Variants in PDZD9 observed in about 807,000 individuals in gnomAD.
PDZD9 encodes the protein PDZ domain containing 9.
PDZD9 carries 13 observed loss-of-function variants against 16.3 expected under a neutral mutation model. That is an observed-to-expected ratio of 0.80 (90% CI 0.52 to 1.27). PDZD9 has a LOEUF of 1.27. Among genes scored for constraint, PDZD9 ranks in the 50% most tolerant of loss-of-function variants. PDZD9 has a pLI of 0.00. For missense variants in PDZD9, 288 were observed against 310.9 expected, an observed-to-expected ratio of 0.93 and a Z score of 0.55; for synonymous variants, 120 against 111.0, an observed-to-expected ratio of 1.08 and a Z score of -0.51.
chr16:21,991,275 A>G (rs754501710), intron 2 of PDZD9, among the ~76,000 whole-genome samples: 1 of 150,892 alleles, frequency 6.6e-6, no homozygotes, highest in Admixed American at 6.6e-5. Context: ...TCACTTTGTC[A>G]CCCAGGCTGG....
chr16:21,960,932 G>A, the PDZD9 span, among the ~76,000 whole-genome samples: 1 of 152,116 alleles, frequency 6.6e-6, no homozygotes, highest in East Asian at 1.9e-4. Flanking sequence ...CTGGGCCCAA[G>A]CGATTCTTCT....
intron 3 of PDZD9, among the ~76,000 whole-genome samples, chr16:21,987,401 CAA>C (rs1898904056): frequency 1.3e-5 from 2 of 151,896 alleles, no homozygotes; most frequent in Non-Finnish European, 2.9e-5. Context: ...GCCTGGGTGA[CAA>C]GAGCAAAACC....
the PDZD9 span, chr16:21,962,799 C>T: frequency 7.4e-6 from 12 of 1,613,988 alleles, no homozygotes; most frequent in Non-Finnish European, 1.0e-5. Context: ...GTCACCACAG[C>T]ACCAGAATTT....
the PDZD9 span, chr16:21,976,389 C>G: frequency 7.5e-6 from 5 of 666,966 alleles, no homozygotes; most frequent in Non-Finnish European, 1.2e-5. Context: ...TATCCTACCA[C>G]CTAAAGATAT....
chr16:21,973,109 T>TATAA, the PDZD9 span, among the ~76,000 whole-genome samples: 1 of 151,976 alleles, frequency 6.6e-6, no homozygotes, highest in African/African-American at 2.4e-5. Context: ...CAAAAATATA[T>TATAA]ATAAATAAAT....
the PDZD9 span, chr16:21,973,780 A>G: frequency 3.6e-6 from 3 of 832,372 alleles, no homozygotes; most frequent in South Asian, 3.3e-5. Context: ...TAAGTAAAAT[A>G]TTAATCTATT....
chr16:21,976,301 T>TA, the PDZD9 span: 4 of 1,413,786 alleles, frequency 2.8e-6, no homozygotes, highest in Admixed American at 5.1e-5. Flanking sequence ...TGTATTCTTT[T>TA]CAGATTATAA....
chr16:21,965,441 G>A, the PDZD9 span: 75,752 of 1,613,620 alleles, frequency 0.047, 2,191 homozygotes, highest in Non-Finnish European at 0.055. Context: ...GCAGCTTACC[G>A]GAATGCCTTG....
Position 21,996,475 on chromosome 16 carries a change from T to TTTTGA in PDZD9, c.53_57dup (p.Thr20SerfsTer8). On this transcript the variant is annotated frameshift_variant, in exon 2 of 4. Coordinates refer to ENST00000424898, the MANE Select transcript of PDZD9 (RefSeq NM_001363519.1). LOFTEE classifies it high-confidence loss of function. ...GTTTTGCTCAAGTTGTGTACAGATG[T>TTTTGA]TTTGACCTTGTTGCTGACTCCTCTT... 1 of 1,535,538 alleles carries TTTTGA rather than the reference T, an allele frequency of 6.5e-7. No individual in the cohort carries two copies. The highest frequency in any genetic ancestry group is 8.7e-7 in the Non-Finnish European group (1 of 1,146,500).
At chr16:21,965,608 T>A in the PDZD9 span, 1 of 995,964 alleles carries the variant, frequency 1.0e-6, no homozygotes, top group Non-Finnish European at 1.4e-6. Context: ...CTTCTAACTT[T>A]AAGAAATTCA....
chr16:21,963,757 C>T, the PDZD9 span, among the ~76,000 whole-genome samples: 1 of 152,202 alleles, frequency 6.6e-6, no homozygotes, highest in Non-Finnish European at 1.5e-5. Flanking sequence ...GCGTGAGCCA[C>T]TGTGCCTGAC....
the PDZD9 span, chr16:21,963,187 G>T: frequency 4.9e-6 from 1 of 202,918 alleles, no homozygotes. Context: ...ACAGGGTTTT[G>T]CCATGTTGGT....
At chr16:21,958,741 C>A in the PDZD9 span, 1 of 711,064 alleles carries the variant, frequency 1.4e-6, no homozygotes. Flanking sequence ...GTATATCAAA[C>A]TGTAAAACAT....
chr16:21,976,943 G>A, the PDZD9 span: 2 of 151,908 alleles, frequency 1.3e-5, no homozygotes, highest in African/African-American at 4.8e-5. Context: ...GATATCTTTG[G>A]GCTTAAAATA....
intron 2 of PDZD9, among the ~76,000 whole-genome samples, chr16:21,995,638 C>G (rs1401843381): frequency 6.6e-6 from 1 of 152,134 alleles, no homozygotes; most frequent in Non-Finnish European, 1.5e-5. Flanking sequence ...CACTCTGTCA[C>G]CCAGGCTGGA....
intron 1 of PDZD9, chr16:21,999,429 A>G (rs1899234228): frequency 6.4e-6 from 1 of 156,228 alleles, no homozygotes. Context: ...GACCCCAAGC[A>G]CCAGACTAAA....
At chr16:21,989,719 T>TC (rs1471381704) in intron 2 of PDZD9, among the ~76,000 whole-genome samples, 2 of 152,198 alleles carry the variant, frequency 1.3e-5, no homozygotes, top group African/African-American at 4.8e-5. Context: ...CAGCTAGGTT[T>TC]CCCTACCTTA....
chr16:21,976,314 A>G, the PDZD9 span: 4 of 1,311,146 alleles, frequency 3.1e-6, no homozygotes, highest in South Asian at 1.2e-5. Context: ...GATTATAACA[A>G]TATTACAATC....
chr16:21,983,532 T>G, downstream of PDZD9: 1 of 292,042 alleles, frequency 3.4e-6, no homozygotes, highest in Non-Finnish European at 6.2e-6. Flanking sequence ...TTGGTGGCGT[T>G]TAAGATGAAA....
Sources: allele counts gnomAD v4.1 joint callset (sites outside exome capture counted in the v4.1 genomes callset), GRCh38; gene constraint gnomAD v4.1.1; transcripts MANE v1.5; gene names NCBI Gene and HGNC (gene_info 2026-07-23, HGNC 2026-07-21).